Variants in CEP83 observed in about 807,000 individuals in gnomAD.
CEP83 encodes centrosomal protein 83, also known as centrosomal protein of 83 kDa.
Under a neutral mutation model 101.9 loss-of-function variants are expected in CEP83, and 70 were observed. The observed-to-expected ratio is 0.69, with a 90% CI of 0.57 to 0.84. The LOEUF (loss-of-function observed/expected upper bound fraction) is 0.84, where lower values mean the gene tolerates loss of function less well. CEP83 is among the 40% of genes least tolerant of loss of function. CEP83 has a pLI of 0.00. For missense variants in CEP83, 715 were observed against 787.2 expected (o/e 0.91, Z 1.10); for synonymous variants, 264 against 267.9 (o/e 0.99, Z 0.14).
At chr12:94,298,240 A>G in the CEP83 span, among the ~76,000 whole-genome samples, 2 of 152,256 alleles carry the variant, frequency 1.3e-5, no homozygotes, top group Non-Finnish European at 2.9e-5. Flanking sequence ...TGCAACAGGA[A>G]AAATTCTGGG....
chr12:94,460,039 T>A (rs1450752308), upstream of CEP83: 1 of 152,082 alleles, frequency 6.6e-6, no homozygotes, highest in African/African-American at 2.4e-5. Flanking sequence ...CCGGAGCCGT[T>A]AGAGGGAGGA....
chr12:94,372,056 C>A (rs1251135635), intron 8 of CEP83, among the ~76,000 whole-genome samples: 1 of 152,188 alleles, frequency 6.6e-6, no homozygotes, highest in Non-Finnish European at 1.5e-5. Flanking sequence ...TTACTGCAAC[C>A]TCTGTCTCCT....
the CEP83 span, chr12:94,297,322 C>T: frequency 3.8e-5 from 62 of 1,613,610 alleles, no homozygotes; most frequent in Non-Finnish European, 3.9e-5. Context: ...TCAGATTTTA[C>T]CAGATTCGGA....
intron 9 of CEP83, 166 bp downstream of exon 9, chr12:94,369,756 G>A (rs1422221814): frequency 6.3e-6 from 3 of 473,240 alleles, no homozygotes; most frequent in Non-Finnish European, 1.1e-5. Context: ...ATCTTACAAT[G>A]AACAAAACAC....
the CEP83 span, among the ~76,000 whole-genome samples, chr12:94,267,658 C>T: frequency 6.6e-6 from 1 of 152,166 alleles, no homozygotes; most frequent in Non-Finnish European, 1.5e-5. Flanking sequence ...CCTGGCCCAG[C>T]CCCCCTTTCA....
At chr12:94,366,159 G>T (rs1267548066) in intron 11 of CEP83, among the ~76,000 whole-genome samples, 2 of 151,700 alleles carry the variant, frequency 1.3e-5, no homozygotes, top group African/African-American at 4.8e-5. Flanking sequence ...GTGTATTATA[G>T]TTCTGTCCTT....
intron 11 of CEP83, among the ~76,000 whole-genome samples, chr12:94,355,398 C>T (rs556785676): frequency 2.0e-5 from 3 of 151,924 alleles, no homozygotes; most frequent in South Asian, 4.2e-4. Flanking sequence ...GAGGCTGAGG[C>T]GGGAGAATGG....
chr12:94,454,258 A>C (rs74563112), intron 1 of CEP83, among the ~76,000 whole-genome samples: 3,912 of 152,344 alleles, frequency 0.026, 61 homozygotes, highest in East Asian at 0.071. Context: ...CTGTTATTAC[A>C]TAATACTTTT....
chr12:94,281,940 T>C, the CEP83 span: 1 of 249,578 alleles, frequency 4.0e-6, no homozygotes, highest in African/African-American at 2.3e-5. Flanking sequence ...CCTACAGAGA[T>C]GGTTCATATC....
intron 11 of CEP83, among the ~76,000 whole-genome samples, chr12:94,345,527 G>T (rs2059894980): frequency 6.6e-6 from 1 of 152,006 alleles, no homozygotes; most frequent in Non-Finnish European, 1.5e-5. Context: ...ATCTCTCTCT[G>T]ACCTTCTGTC....
downstream of CEP83, chr12:94,306,627 T>C (rs1057095717): frequency 4.6e-5 from 7 of 152,194 alleles, no homozygotes; most frequent in Non-Finnish European, 1.0e-4. Flanking sequence ...ATCCCCCATC[T>C]AGGAAAGAAA....
At chr12:94,353,676 C>G (rs1249220692) in intron 11 of CEP83, among the ~76,000 whole-genome samples, 3 of 151,322 alleles carry the variant, frequency 2.0e-5, no homozygotes, top group Non-Finnish European at 4.4e-5. Flanking sequence ...TATAAGCTGC[C>G]TAAACACAAC....
chr12:94,409,300 A>G (rs1288870483), intron 4 of CEP83, among the ~76,000 whole-genome samples: 1 of 152,098 alleles, frequency 6.6e-6, no homozygotes, highest in Non-Finnish European at 1.5e-5. Context: ...CTTAAAAAAC[A>G]GAAGCCTTAC....
chr12:94,444,999 T>C (rs1378946011), intron 1 of CEP83, among the ~76,000 whole-genome samples: 3 of 151,676 alleles, frequency 2.0e-5, no homozygotes, highest in African/African-American at 7.3e-5. Flanking sequence ...AAAATTCATA[T>C]GGAAACACAA....
chr12:94,318,796 C>T (rs1294710262), intron 14 of CEP83, among the ~76,000 whole-genome samples: 1 of 152,116 alleles, frequency 6.6e-6, no homozygotes, highest in Non-Finnish European at 1.5e-5. Flanking sequence ...TTTTGATGTG[C>T]TACTGGATTC....
chr12:94,321,109 C>T (rs1032655149), intron 14 of CEP83, among the ~76,000 whole-genome samples: 2 of 152,106 alleles, frequency 1.3e-5, no homozygotes, highest in Non-Finnish European at 2.9e-5. Flanking sequence ...GACTGTCTTA[C>T]TCCAAAGAGC....
intron 2 of CEP83, among the ~76,000 whole-genome samples, chr12:94,417,867 CTG>C (rs1163085046): frequency 6.6e-6 from 1 of 151,836 alleles, no homozygotes; most frequent in Admixed American, 6.6e-5. Flanking sequence ...AGATTTCAAA[CTG>C]AATGAAAAAA....
At chr12:94,278,000 A>C in the CEP83 span, 1 of 456,088 alleles carries the variant, frequency 2.2e-6, no homozygotes, top group South Asian at 1.5e-5. Flanking sequence ...CAGCCTCTGC[A>C]TATATACCTG....
In CEP83 at chr12:94,331,799, C is replaced by T. The variant is rs753290039; in HGVS notation, c.1608G>A (p.Leu536=). ...KTLEEKQIQW[L]EEKHKLHERI... ...GCTCATGAAGCTTATGCTTTTCTTC[C>T]AACCACTGTATCTGTTTCTCTTCCA... is the stretch of plus-strand genomic sequence containing the variant. Residue 536 remains leucine (L), a synonymous_variant, in exon 14 of 17, where the codon TTG becomes TTA. Coordinates refer to ENST00000397809, the MANE Select transcript of CEP83 (RefSeq NM_016122.3). 2.5e-6 allele frequency: 4 copies of T among 1,612,864 alleles called. No homozygotes were observed. The South Asian group carries it at 4.4e-5, about 18-fold the overall frequency.
Sources: allele counts gnomAD v4.1 joint callset (sites outside exome capture counted in the v4.1 genomes callset), GRCh38; gene constraint gnomAD v4.1.1; transcripts MANE v1.5; gene names NCBI Gene and HGNC (gene_info 2026-07-23, HGNC 2026-07-21).